The following GALNTL6 variants were observed in gnomAD, a reference collection of about 807,000 sequenced individuals.
GALNTL6 encodes polypeptide N-acetylgalactosaminyltransferase-like 6.
A neutral mutation model predicts 73.7 loss-of-function variants in GALNTL6; 46 were observed. The ratio of observed to expected loss-of-function variants is 0.62; its 90% CI spans 0.49 to 0.80. The LOEUF is 0.80. Ranked by LOEUF, GALNTL6 falls within the 30% of genes least tolerant of loss-of-function variation. The pLI is 0.00. For synonymous variants in GALNTL6, 259 were observed against 263.7 expected, an observed-to-expected ratio of 0.98 and a Z score of 0.17; for missense variants, 604 against 755.0, an observed-to-expected ratio of 0.80 and a Z score of 2.34.
chr4:172,323,207 T>C (rs1487647414), intron 4 of GALNTL6, among the ~76,000 whole-genome samples: 1 of 152,148 alleles, frequency 6.6e-6, no homozygotes, highest in African/African-American at 2.4e-5. Context: ...GATAACTGCA[T>C]GGATAAATAA....
intron 8 of GALNTL6, among the ~76,000 whole-genome samples, chr4:172,910,115 A>T (rs1348449030): frequency 6.6e-6 from 1 of 151,994 alleles, no homozygotes; most frequent in East Asian, 1.9e-4. Context: ...TATATAGTAT[A>T]TGTGAACATA....
At chr4:172,738,301 A>G (rs1267744449) in intron 5 of GALNTL6, among the ~76,000 whole-genome samples, 1 of 152,162 alleles carries the variant, frequency 6.6e-6, no homozygotes, top group Non-Finnish European at 1.5e-5. Flanking sequence ...TCATCTGCTC[A>G]GTTTTTCCAC....
intron 10 of GALNTL6, among the ~76,000 whole-genome samples, chr4:172,987,378 A>C (rs938265924): frequency 6.6e-6 from 1 of 152,152 alleles, no homozygotes; most frequent in Non-Finnish European, 1.5e-5. Flanking sequence ...ATGAGAACTC[A>C]CTATCATGAG....
intron 7 of GALNTL6, among the ~76,000 whole-genome samples, chr4:172,847,193 G>T (rs978162111): frequency 6.6e-6 from 1 of 152,052 alleles, no homozygotes; most frequent in African/African-American, 2.4e-5. Context: ...CAATTTCAGG[G>T]GTAAACGTGG....
intron 5 of GALNTL6, among the ~76,000 whole-genome samples, chr4:172,408,989 GTAT>G (rs1386259414): frequency 2.0e-5 from 3 of 151,930 alleles, no homozygotes; most frequent in African/African-American, 4.8e-5. Context: ...CTGTTCCTTA[GTAT>G]TATTAAGCCT....
chr4:171,908,018 G>A (rs1198567794), intron 2 of GALNTL6, among the ~76,000 whole-genome samples: 9 of 151,856 alleles, frequency 5.9e-5, no homozygotes, highest in Non-Finnish European at 1.0e-4. Flanking sequence ...AGACTTAAAC[G>A]TTAGACCTAA....
intron 2 of GALNTL6, among the ~76,000 whole-genome samples, chr4:171,934,076 C>A (rs1738268448): frequency 6.6e-6 from 1 of 152,096 alleles, no homozygotes; most frequent in African/African-American, 2.4e-5. Flanking sequence ...CTGTTTATTT[C>A]TATATACTCT....
intron 5 of GALNTL6, among the ~76,000 whole-genome samples, chr4:172,560,530 T>C (rs1736315685): frequency 6.6e-6 from 1 of 151,790 alleles, no homozygotes; most frequent in Non-Finnish European, 1.5e-5. Context: ...TTGCAGAAGG[T>C]TGTGGGTTGG....
At chr4:172,613,677 A>G (rs1243138459) in intron 5 of GALNTL6, among the ~76,000 whole-genome samples, 1 of 152,200 alleles carries the variant, frequency 6.6e-6, no homozygotes. Context: ...TTATAGTTGA[A>G]AAACATCTTT....
At chr4:172,898,413 G>A (rs1746444786) in intron 8 of GALNTL6, among the ~76,000 whole-genome samples, 1 of 144,912 alleles carries the variant, frequency 6.9e-6, no homozygotes, top group Non-Finnish European at 1.5e-5. Flanking sequence ...AAAATAAAGA[G>A]CAAAAGGTTA....
At chr4:172,625,661 G>T (rs766443108) in intron 5 of GALNTL6, among the ~76,000 whole-genome samples, 6 of 151,938 alleles carry the variant, frequency 3.9e-5, no homozygotes, top group Non-Finnish European at 8.8e-5. Flanking sequence ...GCGTTCCCTT[G>T]TCTCCTCAGC....
intron 5 of GALNTL6, among the ~76,000 whole-genome samples, chr4:172,411,117 C>T (rs1326901284): frequency 6.6e-6 from 1 of 151,936 alleles, no homozygotes; most frequent in African/African-American, 2.4e-5. Context: ...TTTTAATTGT[C>T]CTTAATATGT....
intron 5 of GALNTL6, among the ~76,000 whole-genome samples, chr4:172,785,307 A>G (rs1226203295): frequency 6.6e-6 from 1 of 152,232 alleles, no homozygotes; most frequent in African/African-American, 2.4e-5. Flanking sequence ...TTATACTTTC[A>G]GAATAGTTTA....
intron 5 of GALNTL6, among the ~76,000 whole-genome samples, chr4:172,487,339 TTTC>T (rs1561106902): frequency 5.2e-5 from 7 of 135,582 alleles, no homozygotes; most frequent in South Asian, 2.3e-4. Context: ...TCTTTCTTTC[TTTC>T]TTTCTTTCTT....
intron 5 of GALNTL6, among the ~76,000 whole-genome samples, chr4:172,592,733 G>T (rs1737701462): frequency 6.6e-6 from 1 of 151,018 alleles, no homozygotes; most frequent in Non-Finnish European, 1.5e-5. Flanking sequence ...GACTATGAGA[G>T]GATCCTGGGA....
intron 5 of GALNTL6, among the ~76,000 whole-genome samples, chr4:172,580,922 C>A (rs773786846): frequency 6.6e-6 from 1 of 152,124 alleles, no homozygotes; most frequent in Non-Finnish European, 1.5e-5. Context: ...CCACCACACC[C>A]GGCTAATTTT....
intron 3 of GALNTL6, among the ~76,000 whole-genome samples, chr4:172,294,777 G>A (rs1420994104): frequency 6.6e-6 from 1 of 152,056 alleles, no homozygotes; most frequent in African/African-American, 2.4e-5. Flanking sequence ...TATTTAACAG[G>A]ATTTCTCCTG....
At chr4:172,899,292 G>A (rs1579627669) in intron 8 of GALNTL6, among the ~76,000 whole-genome samples, 1 of 152,176 alleles carries the variant, frequency 6.6e-6, no homozygotes, top group East Asian at 1.9e-4. Context: ...AAGCATAATT[G>A]TAGGCTTCAG....
At chr4:172,286,807 G>A (rs191584818) in intron 3 of GALNTL6, among the ~76,000 whole-genome samples, 7 of 152,128 alleles carry the variant, frequency 4.6e-5, no homozygotes, top group Admixed American at 1.3e-4. Context: ...GGAAAATGGC[G>A]AGCCAAAGAG....
Sources: gnomAD v4.1 joint callset for allele counts (sites outside exome capture counted in the v4.1 genomes callset) on GRCh38, gnomAD v4.1.1 for gene constraint, MANE v1.5 for transcripts, NCBI Gene and HGNC (gene_info 2026-07-23, HGNC 2026-07-21) for gene names.